The following RASGRF2 variants were observed in gnomAD, a reference collection of about 807,000 sequenced individuals.
RASGRF2 encodes ras-specific guanine nucleotide-releasing factor 2.
A neutral mutation model predicts 151.0 loss-of-function variants in RASGRF2; 76 were observed. The observed-to-expected ratio is 0.50, with a 90% confidence interval of 0.42 to 0.61. The LOEUF is 0.61. Ranked by LOEUF, RASGRF2 falls within the 20% of genes least tolerant of loss-of-function variation. RASGRF2 has a pLI of 0.00. For synonymous variants in RASGRF2, 504 were observed against 566.5 expected (o/e 0.89, Z 1.57); for missense variants, 1,148 against 1,564.6 (o/e 0.73, Z 4.49).
intron 1 of RASGRF2, among the ~76,000 whole-genome samples, chr5:81,030,593 C>T (rs1264045804): frequency 6.6e-6 from 1 of 152,114 alleles, no homozygotes; most frequent in Non-Finnish European, 1.5e-5. Context: ...TGCAGATAAG[C>T]AAATGCTGAG....
Position 81,225,987 on chromosome 5 carries a change from T to C in RASGRF2, c.*217T>C, listed in dbSNP as rs1755991326. 1.3e-5 allele frequency: 6 copies of C among 444,520 alleles called. No homozygotes were observed. Among genetic ancestry groups the C allele is most frequent in the Non-Finnish European group, 1.9e-5 (5 of 260,228 alleles). 27.5% of individuals were successfully genotyped at this position (444,520 alleles called of 1,614,324 possible). A position where few individuals can be genotyped will look rare whatever the true frequency, so the allele number is the denominator to read the frequency against. ...TGGGTGGGAAGGTGAAAGATGGCTA[T>C]TTAGAAAGCTGGTGGCACGTTTTAC... On this transcript the variant is annotated 3_prime_UTR_variant, in exon 27 of 27. Transcript: ENST00000265080.
chr5:80,998,950 C>A (rs1414924350), intron 1 of RASGRF2, among the ~76,000 whole-genome samples: 1 of 152,182 alleles, frequency 6.6e-6, no homozygotes, highest in East Asian at 1.9e-4. Flanking sequence ...TTGGCCTTTT[C>A]CACTTGGGTA....
intron 12 of RASGRF2, among the ~76,000 whole-genome samples, chr5:81,099,615 G>A (rs535272358): frequency 1.2e-4 from 18 of 152,076 alleles, no homozygotes; most frequent in Non-Finnish European, 2.2e-4. Flanking sequence ...CATCAACAAG[G>A]TATCTATGTA....
intron 17 of RASGRF2, among the ~76,000 whole-genome samples, chr5:81,178,047 A>G (rs1393299646): frequency 6.6e-6 from 1 of 152,224 alleles, no homozygotes; most frequent in Non-Finnish European, 1.5e-5. Context: ...AACACATCCT[A>G]ATTTTCTTTC....
intron 17 of RASGRF2, among the ~76,000 whole-genome samples, chr5:81,165,626 A>G (rs772771500): frequency 6.6e-6 from 1 of 152,190 alleles, no homozygotes; most frequent in Non-Finnish European, 1.5e-5. Context: ...TTTTCACCTG[A>G]CATTATCCGC....
chr5:81,108,068 A>G (rs938033114), intron 12 of RASGRF2, among the ~76,000 whole-genome samples: 4 of 152,220 alleles, frequency 2.6e-5, no homozygotes, highest in African/African-American at 9.6e-5. Context: ...TTTAGGGTAG[A>G]CCCTGAGTTC....
intron 1 of RASGRF2, among the ~76,000 whole-genome samples, chr5:80,969,123 C>CTTT (rs551407326): frequency 1.1e-4 from 10 of 93,354 alleles, no homozygotes; most frequent in East Asian, 2.8e-4. Flanking sequence ...GTGCAGGACT[C>CTTT]TTTTTTTTTT....
rs1554036797 is a variant in RASGRF2, at chr5:81,134,079, C to CGTGTGCGT, written c.2686+6921_2686+6922insCGTGTGTG. Among the ~76,000 whole-genome samples, 664 of 143,808 alleles carry CGTGTGCGT rather than the reference C, an allele frequency of 4.6e-3. 4 individuals carry two copies. Among genetic ancestry groups the CGTGTGCGT allele is most frequent in the Non-Finnish European group, 7.0e-3 (466 of 66,284 alleles). 94.3% of individuals were successfully genotyped at this position (143,808 alleles called of 152,430 possible). On this transcript the variant is annotated intron_variant, in intron 17 of 26. Coordinates refer to ENST00000265080, the MANE Select transcript of RASGRF2 (RefSeq NM_006909.3). ...AAGCCAAGTAGGAAATGCTTGTGTG[C>CGTGTGCGT]GTGTGTGTGTGTGTGTGTGTGTGTG... is the stretch of plus-strand genomic sequence containing the variant.
At chr5:81,194,769 C>T (rs560565611) in intron 18 of RASGRF2, among the ~76,000 whole-genome samples, 3 of 152,218 alleles carry the variant, frequency 2.0e-5, no homozygotes, top group Admixed American at 1.3e-4. Flanking sequence ...TGGACGCCCT[C>T]CTCAAGCCTC....
intron 16 of RASGRF2, among the ~76,000 whole-genome samples, chr5:81,124,956 C>T (rs1436558321): frequency 6.6e-6 from 1 of 151,870 alleles, no homozygotes; most frequent in Admixed American, 6.6e-5. Flanking sequence ...GGTGCAATCT[C>T]GGCTCAGTGC....
Position 81,073,412 on chromosome 5 carries a change from C to A in RASGRF2, c.847C>A (p.Pro283Thr). Reference sequence around the variant, plus strand: ...TATGGCCGCCAGCTCCAAGAAGCCCCCCATCAGCCACGACGACGTCAGCAG... The same window carrying A: ...TATGGCCGCCAGCTCCAAGAAGCCCACCATCAGCCACGACGACGTCAGCAG... ...LRMAASSKKPPISHDDVSSIF... is the reference protein window; with the variant it reads ...LRMAASSKKPTISHDDVSSIF... Residue 283 changes from proline (P) to threonine (T), a missense_variant, in exon 5 of 27, where the codon CCC becomes ACC. By Grantham distance (38) the Pro-to-Thr change is conservative (BLOSUM62 -1). Transcript: ENST00000265080. 6.2e-7 allele frequency: 1 copy of A among 1,614,158 alleles called. No individual in the cohort carries two copies. The highest frequency in any genetic ancestry group is 8.5e-7 in the Non-Finnish European group (1 of 1,180,032).
chr5:81,197,284 G>A (rs1400838836), intron 18 of RASGRF2, among the ~76,000 whole-genome samples: 3 of 150,726 alleles, frequency 2.0e-5, no homozygotes, highest in Admixed American at 6.6e-5. Context: ...GTGAAACCCC[G>A]TCTCTACTAA....
intron 22 of RASGRF2, among the ~76,000 whole-genome samples, chr5:81,210,888 G>A (rs1755615249): frequency 6.6e-6 from 1 of 152,128 alleles, no homozygotes; most frequent in African/African-American, 2.4e-5. Context: ...GCTCACACCT[G>A]TAATCCCAGC....
At chr5:81,089,189 C>T (rs1289014896) in intron 9 of RASGRF2, among the ~76,000 whole-genome samples, 1 of 152,038 alleles carries the variant, frequency 6.6e-6, no homozygotes, top group East Asian at 1.9e-4. Flanking sequence ...GACTTTAAGA[C>T]CCATTGAGGC....
chr5:81,170,422 G>C (rs1754633120), intron 17 of RASGRF2, among the ~76,000 whole-genome samples: 1 of 152,246 alleles, frequency 6.6e-6, no homozygotes, highest in African/African-American at 2.4e-5. Context: ...ATTTAAACTG[G>C]CTTAAAAGAA....
chr5:81,035,438 A>G (rs766545161), intron 1 of RASGRF2, among the ~76,000 whole-genome samples: 9 of 152,040 alleles, frequency 5.9e-5, no homozygotes, highest in Non-Finnish European at 1.2e-4. Flanking sequence ...TAGGGTGGGG[A>G]GCATTACACA....
chr5:81,073,219 A>T lies in RASGRF2; in HGVS notation c.654A>T (p.Gly218=), dbSNP rs139613602. The change falls in exon 5 of 27, where the codon GGA becomes GGT. Residue 218 remains glycine, a synonymous_variant. Coordinates refer to ENST00000265080, the MANE Select transcript of RASGRF2 (RefSeq NM_006909.3). ...TGTAGGTTCAGAGCTTCATGCGAGG[A>T]TGGTTGTGCAGAAGGAAATGGAAGA... The part of the protein sequence containing the change: ...KIKKVQSFMR[G]WLCRRKWKTI... 1.5e-3 allele frequency: 2,357 copies of T among 1,613,966 alleles called. 1 individual carries two copies. Among genetic ancestry groups the T allele is most frequent in the Non-Finnish European group, 1.8e-3 (2,149 of 1,179,862 alleles).
Position 81,208,444 on chromosome 5 carries a change from T to C in RASGRF2, c.3156+6T>C. 6.3e-7 allele frequency: 1 copy of C among 1,596,478 alleles called. No individual in the cohort carries two copies. Among genetic ancestry groups the C allele is most frequent in the Non-Finnish European group, 8.6e-7 (1 of 1,169,300 alleles). On this transcript the variant is annotated splice_donor_region_variant and intron_variant, in intron 22 of 26. Transcript: ENST00000265080. Reference sequence around the variant, plus strand: ...CCAGCCAACACTTCAATGACGTGAGTAACCGTAACAGTAAAACCGTGGGCG... The same window carrying C: ...CCAGCCAACACTTCAATGACGTGAGCAACCGTAACAGTAAAACCGTGGGCG...
At chr5:81,109,415 G>A (rs1349574376) in intron 13 of RASGRF2, among the ~76,000 whole-genome samples, 4 of 152,172 alleles carry the variant, frequency 2.6e-5, no homozygotes, top group Non-Finnish European at 2.9e-5. Flanking sequence ...CCAGCACTTC[G>A]GAGGCCGAGG....
Sources: allele counts gnomAD v4.1 joint callset (sites outside exome capture counted in the v4.1 genomes callset), GRCh38; gene constraint gnomAD v4.1.1; transcripts MANE v1.5; gene names NCBI Gene and HGNC (gene_info 2026-07-23, HGNC 2026-07-21).